Variants in SPIRE1 observed in about 807,000 individuals in gnomAD.
SPIRE1 encodes spire type actin nucleation factor 1.
In SPIRE1, 40 loss-of-function variants were observed where a neutral mutation model predicts 94.1. That is an observed-to-expected ratio of 0.43 (90% confidence interval 0.33 to 0.55). SPIRE1 has a LOEUF of 0.55. SPIRE1 is among the 20% of genes least tolerant of loss of function. SPIRE1 has a pLI of 0.06. For synonymous variants in SPIRE1, 376 were observed against 371.7 expected, an observed-to-expected ratio of 1.01 and a Z score of -0.13; for missense variants, 838 against 975.2, an observed-to-expected ratio of 0.86 and a Z score of 1.87.
At chr18:12,527,665 C>A (rs910096975) in intron 4 of SPIRE1, among the ~76,000 whole-genome samples, 12 of 152,270 alleles carry the variant, frequency 7.9e-5, no homozygotes, top group African/African-American at 2.9e-4. Context: ...TGTCCAGGAG[C>A]CCCAGGTGTG....
At chr18:12,612,700 C>A (rs2037177220) in intron 2 of SPIRE1, among the ~76,000 whole-genome samples, 2 of 152,184 alleles carry the variant, frequency 1.3e-5, no homozygotes, top group African/African-American at 2.4e-5. Context: ...CCCTACTCCT[C>A]CCCTGACTAC....
intron 1 of SPIRE1, among the ~76,000 whole-genome samples, chr18:12,648,906 A>AG (rs1404808355): frequency 2.0e-5 from 3 of 149,906 alleles, no homozygotes; most frequent in African/African-American, 4.9e-5. Context: ...AAAAAAAAAA[A>AG]AAAAAGAAAA....
intron 2 of SPIRE1, among the ~76,000 whole-genome samples, chr18:12,560,063 G>A (rs1337640043): frequency 2.0e-5 from 3 of 152,174 alleles, no homozygotes; most frequent in African/African-American, 7.2e-5. Context: ...CAGTTAAAAT[G>A]GCTTCTATCT....
intron 7 of SPIRE1, among the ~76,000 whole-genome samples, chr18:12,495,284 T>A (rs1247719386): frequency 6.6e-6 from 1 of 152,166 alleles, no homozygotes; most frequent in Non-Finnish European, 1.5e-5. Context: ...CAGATTAGAA[T>A]ATTCTGAGTC....
At chr18:12,507,931 G>A (rs1044307423) in intron 5 of SPIRE1, among the ~76,000 whole-genome samples, 1 of 151,900 alleles carries the variant, frequency 6.6e-6, no homozygotes, top group Non-Finnish European at 1.5e-5. Flanking sequence ...CAGACCATGA[G>A]GTCAGAAGAT....
chr18:12,564,953 T>C (rs1008743335), intron 2 of SPIRE1, among the ~76,000 whole-genome samples: 7 of 151,912 alleles, frequency 4.6e-5, no homozygotes, highest in African/African-American at 1.7e-4. Flanking sequence ...GTATAAATTA[T>C]GTGTAATAGG....
chr18:12,650,871 T>C (rs1160249603), intron 1 of SPIRE1, among the ~76,000 whole-genome samples: 3 of 143,536 alleles, frequency 2.1e-5, no homozygotes, highest in Non-Finnish European at 3.0e-5. Context: ...AGCGAGACCC[T>C]GTCTCAAAAA....
intron 2 of SPIRE1, among the ~76,000 whole-genome samples, chr18:12,631,214 G>A (rs1479944946): frequency 6.6e-6 from 1 of 151,802 alleles, no homozygotes. Flanking sequence ...AGAGCCCAAA[G>A]AGCTTTTTTT....
rs1198083591 is a variant in SPIRE1 at position 12,448,043 on chromosome 18, G to A, written c.*1595C>T. On this transcript the variant is annotated 3_prime_UTR_variant, in exon 17 of 17. Coordinates refer to ENST00000409402, the MANE Select transcript of SPIRE1 (RefSeq NM_001128626.2). The surrounding 1 kb of genome is among the most constrained non-coding windows in gnomAD (Gnocchi z 4.4). ...TCTTTAAAATAATGTAAACACTTAA[G>A]TAATCAATAAGGGTTCTCTGGTGGC... The A allele has an allele frequency of 1.3e-5, 2 of 152,222 alleles. No individual in the cohort carries two copies. Among genetic ancestry groups the A allele is most frequent in the Admixed American group, 6.5e-5 (1 of 15,274 alleles). 9.4% of individuals were successfully genotyped at this position (152,222 alleles called of 1,614,324 possible). A position where few individuals can be genotyped will look rare whatever the true frequency, so the allele number is the denominator to read the frequency against.
chr18:12,454,189 GA>G (rs1357964019), intron 13 of SPIRE1, among the ~76,000 whole-genome samples, 156 bp downstream of exon 13: 1 of 152,130 alleles, frequency 6.6e-6, no homozygotes, highest in African/African-American at 2.4e-5. Flanking sequence ...TTGTGAACGA[GA>G]CAGCACATGT....
intron 4 of SPIRE1, among the ~76,000 whole-genome samples, chr18:12,516,551 T>G (rs949590331): frequency 2.2e-4 from 34 of 152,186 alleles, no homozygotes; most frequent in African/African-American, 7.2e-4. Context: ...AGCTGTACCC[T>G]TAGACTTCCT....
intron 10 of SPIRE1, among the ~76,000 whole-genome samples, chr18:12,469,407 C>A (rs943908311): frequency 6.6e-6 from 1 of 151,000 alleles, no homozygotes; most frequent in African/African-American, 2.4e-5. Context: ...TGTTGGCCAG[C>A]CTGGTCTCAA....
chr18:12,494,698 G>T (rs1177535683), intron 7 of SPIRE1, among the ~76,000 whole-genome samples: 1 of 151,316 alleles, frequency 6.6e-6, no homozygotes, highest in East Asian at 1.9e-4. Context: ...AATTAGCCGG[G>T]CATGGTGGCA....
At chr18:12,558,464 G>A (rs2035584154) in intron 2 of SPIRE1, among the ~76,000 whole-genome samples, 1 of 152,214 alleles carries the variant, frequency 6.6e-6, no homozygotes. Context: ...TTCACAGCAT[G>A]GAAGGGGACT....
intron 3 of SPIRE1, among the ~76,000 whole-genome samples, chr18:12,545,086 T>A (rs1299094864): frequency 6.6e-6 from 1 of 152,220 alleles, no homozygotes; most frequent in African/African-American, 2.4e-5. Context: ...AATCACTATT[T>A]ATCAATGGTC....
At chr18:12,587,038 C>G (rs2036408235) in intron 2 of SPIRE1, among the ~76,000 whole-genome samples, 1 of 152,158 alleles carries the variant, frequency 6.6e-6, no homozygotes, top group Non-Finnish European at 1.5e-5. Flanking sequence ...TATTGTAAAT[C>G]CTTGCAGTAA....
intron 4 of SPIRE1, among the ~76,000 whole-genome samples, chr18:12,517,562 A>G (rs1482844857): frequency 4.6e-5 from 7 of 152,234 alleles, no homozygotes; most frequent in African/African-American, 1.2e-4. Flanking sequence ...CAGAAATGTA[A>G]TAACAGATGT....
intron 13 of SPIRE1, among the ~76,000 whole-genome samples, chr18:12,453,537 C>T (rs1273894841): frequency 2.0e-5 from 3 of 150,804 alleles, no homozygotes; most frequent in African/African-American, 7.3e-5. Context: ...GGGTTCACGC[C>T]ATTCTCCTGC....
rs540977811 is a variant in SPIRE1 at position 12,567,923 on chromosome 18, A to G, written c.373-21019T>C. Among the ~76,000 whole-genome samples the G allele has an allele frequency of 3.0e-4, 46 of 152,336 alleles. No individual in the cohort carries two copies. In the South Asian group the frequency reaches 9.1e-3, roughly 30 times the overall value. On this transcript the variant is annotated intron_variant, in intron 2 of 16. Transcript: ENST00000409402. ...ATGCCATGATCAAATAACCAAAGCC[A>G]TTGGTCTTTGTGAGTTGGACTATTA...
Sources: gnomAD v4.1 joint callset for allele counts (sites outside exome capture counted in the v4.1 genomes callset) on GRCh38, gnomAD v4.1.1 for gene constraint, Gnocchi (gnomAD v3.1) non-coding constraint, MANE v1.5 for transcripts, NCBI Gene and HGNC (gene_info 2026-07-23, HGNC 2026-07-21) for gene names.